The following CAB39L variants were observed in gnomAD, a reference collection of about 807,000 sequenced individuals.
CAB39L encodes the protein calcium-binding protein 39-like.
Under a neutral mutation model 39.1 loss-of-function variants are expected in CAB39L, and 23 were observed. That is an observed-to-expected ratio of 0.59 (90% confidence interval 0.42 to 0.83). The LOEUF (loss-of-function observed/expected upper bound fraction) is 0.83. CAB39L is among the 40% of genes least tolerant of loss of function. CAB39L has a pLI of 0.00. For synonymous variants in CAB39L, 126 were observed against 137.2 expected, an observed-to-expected ratio of 0.92 and a Z score of 0.57; for missense variants, 366 against 391.9, an observed-to-expected ratio of 0.93 and a Z score of 0.56.
At chr13:49,347,790 G>A (rs1168756548) in intron 7 of CAB39L, among the ~76,000 whole-genome samples, 3 of 151,956 alleles carry the variant, frequency 2.0e-5, no homozygotes, top group Non-Finnish European at 4.4e-5. Flanking sequence ...TCGGAGCCCG[G>A]AGCCATGCTG....
At chr13:49,370,105 G>A (rs78342931) in intron 5 of CAB39L, among the ~76,000 whole-genome samples, 1,967 of 152,110 alleles carry the variant, frequency 0.013, 36 homozygotes, top group African/African-American at 0.039. Context: ...TAGCAGAAGT[G>A]GATAGGCAGA....
intron 5 of CAB39L, among the ~76,000 whole-genome samples, chr13:49,360,345 T>G (rs1423476712): frequency 7.0e-6 from 1 of 142,022 alleles, no homozygotes; most frequent in African/African-American, 2.6e-5. Flanking sequence ...TGCCTTGACT[T>G]AAAAAATAAA....
At chr13:49,395,842 G>A (rs1355019852) in intron 3 of CAB39L, among the ~76,000 whole-genome samples, 2 of 152,096 alleles carry the variant, frequency 1.3e-5, no homozygotes, top group South Asian at 2.1e-4. Flanking sequence ...CAGGGGGCAG[G>A]GGGGTAGGAG....
At chr13:49,394,997 T>C (rs188012934) in intron 3 of CAB39L, among the ~76,000 whole-genome samples, 11 of 152,302 alleles carry the variant, frequency 7.2e-5, no homozygotes, top group African/African-American at 2.6e-4. Context: ...AACCTATGTA[T>C]AGAAAAAATA....
chr13:49,358,713 A>G (rs1955549520), intron 6 of CAB39L, among the ~76,000 whole-genome samples: 1 of 152,116 alleles, frequency 6.6e-6, no homozygotes, highest in African/African-American at 2.4e-5. Context: ...TACAAAAATT[A>G]GCCATGCGTG....
At chr13:49,432,897 G>A (rs1957350269) in intron 3 of CAB39L, among the ~76,000 whole-genome samples, 3 of 152,144 alleles carry the variant, frequency 2.0e-5, no homozygotes, top group Non-Finnish European at 2.9e-5. Flanking sequence ...GGGACCCAGG[G>A]ATCTTTTTCT....
Position 49,360,252 on chromosome 13 carries a change from G to A in CAB39L, c.277-420C>T, listed in dbSNP as rs915391036. Among the ~76,000 whole-genome samples the A allele has an allele frequency of 3.9e-5, 6 of 152,218 alleles. No individual in the cohort carries two copies. In the East Asian group the frequency reaches 1.2e-3, roughly 29 times the overall value. ...TAAGATTTTAGTAAAATGTAGGTTA[G>A]AACCAAATTCCTTTTTCTTAGATCT... On this transcript the variant is annotated intron_variant, in intron 5 of 10. Coordinates refer to ENST00000409308, the MANE Select transcript of CAB39L (RefSeq NM_001079670.3).
At chr13:49,372,477 G>A (rs1183909453) in intron 5 of CAB39L, among the ~76,000 whole-genome samples, 1 of 150,272 alleles carries the variant, frequency 6.7e-6, no homozygotes, top group African/African-American at 2.5e-5. Flanking sequence ...GTCAGTCCCT[G>A]CCATCCAGTT....
chr13:49,315,612 G>A (rs2138332235), intron 10 of CAB39L, among the ~76,000 whole-genome samples: 1 of 152,202 alleles, frequency 6.6e-6, no homozygotes, highest in South Asian at 2.1e-4. Flanking sequence ...TCTGGACTGG[G>A]TACGGTGGCT....
intron 3 of CAB39L, among the ~76,000 whole-genome samples, chr13:49,391,282 TA>T (rs1956483734): frequency 6.6e-6 from 1 of 151,944 alleles, no homozygotes; most frequent in South Asian, 2.1e-4. Flanking sequence ...GAGGGCAAAC[TA>T]AAATTACCTA....
Position 49,424,488 on chromosome 13 carries a change from G to A in CAB39L, c.-32+8830C>T, listed in dbSNP as rs114987557. Among the ~76,000 whole-genome samples, 789 of 152,288 alleles carry A rather than the reference G, an allele frequency of 5.2e-3. 6 individuals are homozygous for A. Among genetic ancestry groups the A allele is most frequent in the African/African-American group, 0.018 (742 of 41,552 alleles). On this transcript the variant is annotated intron_variant, in intron 3 of 10. Transcript: ENST00000409308. ...AGGAGACATGATGACTACATGTAAC[G>A]TGGCATCCTGGAACAGAAAAGGCTC...
chr13:49,433,775 C>T lies in CAB39L; in HGVS notation c.-108+311G>A, dbSNP rs555418803. On this transcript the variant is annotated intron_variant, in intron 2 of 10. Coordinates refer to ENST00000409308, the MANE Select transcript of CAB39L (RefSeq NM_001079670.3). ...TACAAAAAGGCTGTGGGAAGGCTTT[C>T]CTGACTGAAGGATGCTTTCTTCCCC... 2.6e-5 allele frequency among the ~76,000 whole-genome samples: 4 copies of T among 152,282 alleles called. No individual in the cohort carries two copies. In the South Asian group the frequency reaches 8.3e-4, roughly 32 times the overall value.
chr13:49,373,323 C>G (rs187863030), intron 5 of CAB39L, among the ~76,000 whole-genome samples: 32 of 152,240 alleles, frequency 2.1e-4, no homozygotes, highest in Non-Finnish European at 1.5e-5. Flanking sequence ...TTCAGCCTTT[C>G]AAACTAACAA....
chr13:49,366,685 AC>A (rs1426753985), intron 5 of CAB39L, among the ~76,000 whole-genome samples: 2 of 150,142 alleles, frequency 1.3e-5, no homozygotes, highest in South Asian at 2.1e-4. Flanking sequence ...CCAAAACCCA[AC>A]CCCCCATCAA....
At chr13:49,403,781 C>A (rs2146398) in intron 3 of CAB39L, among the ~76,000 whole-genome samples, 41,867 of 151,142 alleles carry the variant, frequency 0.28, 5,753 homozygotes, top group Middle Eastern at 0.34. Context: ...GCAACAACAA[C>A]AAAAAAACCC....
At chr13:49,429,956 T>A (rs963053260) in intron 3 of CAB39L, among the ~76,000 whole-genome samples, 10 of 152,214 alleles carry the variant, frequency 6.6e-5, no homozygotes, top group Admixed American at 5.2e-4. Context: ...TCTTCTAATG[T>A]TACCTTTTTT....
At chr13:49,418,868 CAT>C (rs1957126152) in intron 3 of CAB39L, among the ~76,000 whole-genome samples, 1 of 152,116 alleles carries the variant, frequency 6.6e-6, no homozygotes, top group African/African-American at 2.4e-5. Flanking sequence ...GCCAAGCAAA[CAT>C]ATTTTAAAAG....
At chr13:49,334,362 C>T (rs1333475898) in intron 9 of CAB39L, among the ~76,000 whole-genome samples, 2 of 152,156 alleles carry the variant, frequency 1.3e-5, no homozygotes, top group Non-Finnish European at 2.9e-5. Flanking sequence ...ATTAAGATGC[C>T]GTTCCCAGCC....
At chr13:49,403,847 G>A (rs552442818) in intron 3 of CAB39L, among the ~76,000 whole-genome samples, 4 of 151,950 alleles carry the variant, frequency 2.6e-5, no homozygotes, top group Admixed American at 1.3e-4. Context: ...ACTGCACACC[G>A]CAGAAGAAAT....
Sources: gnomAD v4.1 joint callset for allele counts (sites outside exome capture counted in the v4.1 genomes callset) on GRCh38, gnomAD v4.1.1 for gene constraint, MANE v1.5 for transcripts, NCBI Gene and HGNC (gene_info 2026-07-23, HGNC 2026-07-21) for gene names.